The following DNA2 variants were observed in gnomAD, a reference collection of about 807,000 sequenced individuals.
DNA2 encodes the protein DNA replication helicase/nuclease 2, also known as DNA replication ATP-dependent helicase/nuclease DNA2.
Under a neutral mutation model 119.1 loss-of-function variants are expected in DNA2, and 101 were observed. The ratio of observed to expected loss-of-function variants is 0.85; its 90% CI spans 0.72 to 1.00. The LOEUF is 1.00. Ranked by LOEUF, DNA2 falls within the 50% of genes least tolerant of loss-of-function variation. The pLI, the probability that DNA2 is intolerant of heterozygous loss-of-function variation, is 0.00. For missense variants in DNA2, 1,121 were observed against 1,255.5 expected (o/e 0.89, Z 1.62); for synonymous variants, 366 against 424.4 (o/e 0.86, Z 1.69).
chr10:68,466,953 C>G (rs980129393), intron 3 of DNA2, among the ~76,000 whole-genome samples: 2 of 152,060 alleles, frequency 1.3e-5, no homozygotes, highest in Non-Finnish European at 2.9e-5. Context: ...ACTAGGGAGG[C>G]TGAGGTGGCC....
rs768975060 is a variant in DNA2, at chr10:68,436,997, T to G, written c.1646+14A>C. On this transcript the variant is annotated intron_variant, in intron 10 of 20. Coordinates refer to ENST00000358410, the MANE Select transcript of DNA2 (RefSeq NM_001080449.3). ...TCAATAAAGCTGTTATCAAAAAAAGTAACATTTCATTACCTGTCTAATAAA... is the reference window on the plus strand; with the variant it reads ...TCAATAAAGCTGTTATCAAAAAAAGGAACATTTCATTACCTGTCTAATAAA... 6.3e-7 allele frequency: 1 copy of G among 1,581,144 alleles called. No individual in the cohort carries two copies. The highest frequency in any genetic ancestry group is 8.6e-7 in the Non-Finnish European group (1 of 1,157,256).
rs570979144 is a variant in DNA2, at chr10:68,457,119, G to A, written c.719+1985C>T. On this transcript the variant is annotated intron_variant, in intron 5 of 20. Transcript: ENST00000358410. ...ACTGCACTCCAGCCTGGGCAACAGA[G>A]CGAGACTCCATCTCAAAAAAAAAAA... Among the ~76,000 whole-genome samples the A allele has an allele frequency of 6.7e-3, 1,007 of 150,082 alleles. 5 individuals carry two copies. The highest frequency in any genetic ancestry group is 0.023 in the African/African-American group (936 of 40,632).
chr10:68,422,669 T>A, intron 15 of DNA2, 28 bp downstream of exon 15: 2 of 1,613,588 alleles, frequency 1.2e-6, no homozygotes, highest in Non-Finnish European at 1.7e-6. Context: ...TAATCTAGTT[T>A]AAAATTAACA....
chr10:68,455,089 G>A (rs530151440), intron 5 of DNA2, among the ~76,000 whole-genome samples: 17 of 151,606 alleles, frequency 1.1e-4, no homozygotes, highest in African/African-American at 3.6e-4. Context: ...ACAGGCATCC[G>A]CCACCATGCC....
rs576243532 is a variant in DNA2 at position 68,427,518 on chromosome 10, A to G, written c.2208+2918T>C. ...AAATATTAGGCAGGCATGGTGGTAC[A>G]TGCCTGTATAGTTCTAGTTACTCAG... On this transcript the variant is annotated intron_variant, in intron 14 of 20. Transcript: ENST00000358410. Among the ~76,000 whole-genome samples the G allele has an allele frequency of 1.1e-4, 17 of 151,720 alleles. No individual in the cohort carries two copies. In the South Asian group the frequency reaches 3.5e-3, roughly 32 times the overall value.
At chr10:68,439,479 T>G (rs778836280) in intron 9 of DNA2, among the ~76,000 whole-genome samples, 10 of 152,072 alleles carry the variant, frequency 6.6e-5, no homozygotes, top group Middle Eastern at 6.8e-3. Context: ...GGCAGCTGGA[T>G]CACCACGAGA....
At position 68,414,890 on chromosome 10, in the gene DNA2, C is replaced by A; in HGVS notation, c.*149G>T. On this transcript the variant is annotated 3_prime_UTR_variant, in exon 21 of 21. Coordinates refer to ENST00000358410, the MANE Select transcript of DNA2 (RefSeq NM_001080449.3). ...TAGGCAAAAATGCATGCATAGAACC[C>A]ATAAATTCAGACTTTTCACAGTTTT... 2.0e-6 allele frequency: 1 copy of A among 489,920 alleles called. No individual in the cohort carries two copies. The highest frequency in any genetic ancestry group is 3.2e-5 in the East Asian group (1 of 31,560). The allele number at this position is 489,920 out of a possible 1,614,324, so 30.3% of individuals were successfully genotyped here.
intron 7 of DNA2, among the ~76,000 whole-genome samples, chr10:68,445,828 TA>T (rs1206110157): frequency 6.6e-6 from 1 of 151,946 alleles, no homozygotes; most frequent in Non-Finnish European, 1.5e-5. Flanking sequence ...AAAATTCTTT[TA>T]AAAAAAACCA....
intron 5 of DNA2, among the ~76,000 whole-genome samples, chr10:68,453,062 G>A (rs2052141096): frequency 6.6e-6 from 1 of 151,546 alleles, no homozygotes; most frequent in Non-Finnish European, 1.5e-5. Flanking sequence ...CACCACGCCT[G>A]GCTAATTTTT....
chr10:68,437,794 G>T (rs59204978), intron 9 of DNA2, among the ~76,000 whole-genome samples: 11 of 151,760 alleles, frequency 7.2e-5, no homozygotes, highest in African/African-American at 2.4e-4. Context: ...GACACCCTCC[G>T]ACCCCCACCC....
At chr10:68,460,104 TC>T (rs2052237243) in intron 4 of DNA2, among the ~76,000 whole-genome samples, 1 of 151,876 alleles carries the variant, frequency 6.6e-6, no homozygotes, top group East Asian at 1.9e-4. Context: ...TTTCTTTTTC[TC>T]TTTTCTTTTT....
At chr10:68,428,960 C>T (rs1164847904) in intron 14 of DNA2, among the ~76,000 whole-genome samples, 5 of 152,148 alleles carry the variant, frequency 3.3e-5, no homozygotes, top group Non-Finnish European at 5.9e-5. Context: ...AAAGGGGACA[C>T]AGGCTCTCTC....
chr10:68,448,964 T>TGCGCGC (rs1554907479), intron 6 of DNA2, among the ~76,000 whole-genome samples: 4 of 59,878 alleles, frequency 6.7e-5, no homozygotes, highest in African/African-American at 1.8e-4. Flanking sequence ...TGTGTGTGTG[T>TGCGCGC]GTGCGTGTGT....
At chr10:68,419,566 T>G (rs2051638603) in intron 18 of DNA2, 1 of 564,750 alleles carries the variant, frequency 1.8e-6, no homozygotes, top group South Asian at 2.3e-5. Flanking sequence ...AACATAGTAT[T>G]GTCTCAATTA....
chr10:68,419,751 A>T (rs2051640416), intron 18 of DNA2, 52 bp downstream of exon 18: 3 of 1,357,214 alleles, frequency 2.2e-6, no homozygotes, highest in Non-Finnish European at 3.2e-6. Flanking sequence ...ACAGTCTAAC[A>T]TTCTTTTATT....
intron 9 of DNA2, among the ~76,000 whole-genome samples, chr10:68,442,058 A>G (rs760883773): frequency 1.3e-5 from 2 of 151,426 alleles, no homozygotes; most frequent in African/African-American, 4.9e-5. Flanking sequence ...GGGACTACAG[A>G]CATGCACGAC....
chr10:68,464,193 C>T (rs555845525), intron 4 of DNA2, among the ~76,000 whole-genome samples: 2 of 152,246 alleles, frequency 1.3e-5, no homozygotes, highest in Admixed American at 1.3e-4. Flanking sequence ...TGGACAATGT[C>T]TATAGAGAGC....
intron 19 of DNA2, 32 bp from the exon 20 acceptor site, chr10:68,416,887 T>C: frequency 6.3e-7 from 1 of 1,580,422 alleles, no homozygotes; most frequent in Non-Finnish European, 8.6e-7. Flanking sequence ...ATTATTCAAG[T>C]TCAAAGGAAT....
intron 5 of DNA2, among the ~76,000 whole-genome samples, chr10:68,452,737 ATTTTT>A (rs35788452): frequency 1.1e-3 from 95 of 90,152 alleles, no homozygotes; most frequent in African/African-American, 3.5e-3. Flanking sequence ...ACGCCCAGCT[ATTTTT>A]TTTTTTTTTT....
Sources: allele counts gnomAD v4.1 joint callset (sites outside exome capture counted in the v4.1 genomes callset), GRCh38; gene constraint gnomAD v4.1.1; transcripts MANE v1.5; gene names NCBI Gene and HGNC (gene_info 2026-07-23, HGNC 2026-07-21).